Variants in ZC3HAV1L observed in about 807,000 individuals in gnomAD.
ZC3HAV1L encodes the protein ZC3HAV1 like.
ZC3HAV1L carries 23 observed loss-of-function variants against 28.2 expected under a neutral mutation model. The ratio of observed to expected loss-of-function variants is 0.82; its 90% CI spans 0.59 to 1.16. ZC3HAV1L has a LOEUF of 1.16. ZC3HAV1L is among the 50% of genes most tolerant of loss of function. The pLI, the probability that ZC3HAV1L is intolerant of heterozygous loss-of-function variation, is 0.00. For missense variants in ZC3HAV1L, 376 were observed against 387.7 expected, an observed-to-expected ratio of 0.97 and a Z score of 0.25; for synonymous variants, 180 against 163.4, an observed-to-expected ratio of 1.10 and a Z score of -0.78.
chr7:139,032,818 T>C (rs960919463), intron 2 of ZC3HAV1L, among the ~76,000 whole-genome samples: 4 of 152,070 alleles, frequency 2.6e-5, no homozygotes, highest in Admixed American at 2.0e-4. Context: ...AATGTAAATA[T>C]ATTAAAACAC....
At chr7:139,022,826 A>G (rs966230804), downstream of ZC3HAV1L, among the ~76,000 whole-genome samples, 1 of 152,212 alleles carries the variant, frequency 6.6e-6, no homozygotes, top group Non-Finnish European at 1.5e-5. Context: ...TGGCGTTTTG[A>G]AGAATCCAAT....
chr7:139,023,653 T>C (rs1290732757), downstream of ZC3HAV1L, among the ~76,000 whole-genome samples: 1 of 152,146 alleles, frequency 6.6e-6, no homozygotes, highest in Non-Finnish European at 1.5e-5. Flanking sequence ...GCAGGAGAAG[T>C]GAAGAGTGGT....
chr7:139,035,598 G>A, intron 1 of ZC3HAV1L, 55 bp downstream of exon 1: 2 of 1,344,928 alleles, frequency 1.5e-6, no homozygotes, highest in Non-Finnish European at 1.9e-6. Context: ...CTTCCAGCAG[G>A]ACGGCCAGGC....
At chr7:139,023,376 G>A (rs553093108), downstream of ZC3HAV1L, among the ~76,000 whole-genome samples, 84 of 152,118 alleles carry the variant, frequency 5.5e-4, no homozygotes, top group African/African-American at 1.9e-3. Flanking sequence ...AAAAAACTGG[G>A]CACTATGACA....
chr7:139,035,590 T>G, intron 1 of ZC3HAV1L, 63 bp downstream of exon 1: 1 of 1,342,066 alleles, frequency 7.5e-7, no homozygotes, highest in Non-Finnish European at 9.5e-7. Context: ...CGCTCCCGCT[T>G]CCAGCAGGAC....
At chr7:139,034,972 C>G (rs577025922) in intron 1 of ZC3HAV1L, 2 of 985,446 alleles carry the variant, frequency 2.0e-6, no homozygotes, top group South Asian at 9.4e-5. Context: ...GCCTTCTCCC[C>G]GGCAACAGCT....
chr7:139,034,591 G>A lies in ZC3HAV1L; in HGVS notation c.453C>T (p.Asn151=), dbSNP rs770417892. The A allele has an allele frequency of 6.2e-7, 1 of 1,613,996 alleles. No homozygotes were observed. Residue 151 remains asparagine, a synonymous_variant, in exon 2 of 5, where the codon AAC becomes AAT. Coordinates refer to ENST00000275766, the MANE Select transcript of ZC3HAV1L (RefSeq NM_080660.4). ...KSHGLFGLNE[N]QLRILLLQND... ...TCTGCAAAAGCAGGATCCGAAGCTG[G>A]TTTTCATTGAGACCAAAAAGTCCAT...
rs566170030 is a variant in ZC3HAV1L, at chr7:139,029,308, T to C, written c.502-348A>G. 2.6e-5 allele frequency among the ~76,000 whole-genome samples: 4 copies of C among 152,254 alleles called. No individual in the cohort carries two copies. The East Asian group carries it at 7.7e-4, about 29-fold the overall frequency. ...TGTGAGCCACCACACCCGGCCAATA[T>C]TAGTTTTCACTCTATCTTTTAAGCC... On this transcript the variant is annotated intron_variant, in intron 2 of 4. Coordinates refer to ENST00000275766, the MANE Select transcript of ZC3HAV1L (RefSeq NM_080660.4).
At position 139,026,513 on chromosome 7, in the gene ZC3HAV1L, C is replaced by G. The variant is rs111891533; in HGVS notation, c.*31G>C. The G allele has an allele frequency of 5.6e-6, 9 of 1,613,358 alleles. No individual in the cohort carries two copies. The highest frequency in any genetic ancestry group is 5.3e-5 in the African/African-American group (4 of 75,056). On this transcript the variant is annotated 3_prime_UTR_variant, in exon 5 of 5. Transcript: ENST00000275766. ...CCACCCATGCCCAAATGTATTCTTC[C>G]AAAAGGACATTTTCTCCTTTTCCAT...
chr7:139,030,756 T>C (rs886406338), intron 2 of ZC3HAV1L, among the ~76,000 whole-genome samples: 9 of 151,816 alleles, frequency 5.9e-5, no homozygotes, highest in Non-Finnish European at 8.8e-5. Context: ...GTGGCAGAGG[T>C]TGCAGTGAGC....
At chr7:139,035,481 G>A (rs1815678099) in intron 1 of ZC3HAV1L, 172 bp downstream of exon 1, 1 of 985,316 alleles carries the variant, frequency 1.0e-6, no homozygotes, top group South Asian at 4.7e-5. Context: ...CCGCCCAGCT[G>A]CTGGAAGCGC....
chr7:139,034,375 C>T (rs1177096377), intron 2 of ZC3HAV1L, among the ~76,000 whole-genome samples, 168 bp downstream of exon 2: 1 of 152,158 alleles, frequency 6.6e-6, no homozygotes, highest in African/African-American at 2.4e-5. Context: ...CTGAAACAAA[C>T]GTACTATTTC....
At chr7:139,023,002 C>G (rs1203522820), downstream of ZC3HAV1L, among the ~76,000 whole-genome samples, 1 of 151,878 alleles carries the variant, frequency 6.6e-6, no homozygotes, top group African/African-American at 2.4e-5. Flanking sequence ...TGGTGAAACC[C>G]CATCTCTACT....
chr7:139,026,466 C>A lies in ZC3HAV1L; in HGVS notation c.*78G>T. 2 of 1,588,926 alleles carry A rather than the reference C, an allele frequency of 1.3e-6. No homozygotes were observed. The highest frequency in any genetic ancestry group is 1.1e-5 in the South Asian group (1 of 87,510). On this transcript the variant is annotated 3_prime_UTR_variant, in exon 5 of 5. Transcript: ENST00000275766. ...CAATTTTAGCCTCTCTTTGCCTGTT[C>A]AATGTCCCACCCCATCCCCAACCAC...
rs747191966 is a variant in ZC3HAV1L, at chr7:139,028,877, T to C, written c.585A>G (p.Lys195=). 5 of 1,614,204 alleles carry C rather than the reference T, an allele frequency of 3.1e-6. No homozygotes were observed. The Admixed American group carries it at 6.7e-5, about 22-fold the overall frequency. Residue 195 remains lysine (K), a synonymous_variant, in exon 3 of 5, where the codon AAA becomes AAG. Coordinates refer to ENST00000275766, the MANE Select transcript of ZC3HAV1L (RefSeq NM_080660.4). ...GTTTGCATTCTCCTTTCACAAAGGA[T>C]TTGCACACATGAAACTTGTTGCATT... ...KDKCNKFHVC[K]SFVKGECKLQ... is the part of the protein sequence containing the mutation.
chr7:139,035,038 C>A (rs1268021491), intron 1 of ZC3HAV1L: 1 of 985,304 alleles, frequency 1.0e-6, no homozygotes, highest in African/African-American at 1.7e-5. Context: ...ACCGCTTTGG[C>A]GGGGTGTGTG....
rs1327487647 is a variant in ZC3HAV1L, at chr7:139,035,769, C to T, written c.249G>A (p.Val83=). ...GGGGTSAWRV[V]AVSSVRLCAR... ...CGCAGAGGCGCACAGAGGACACGGC[C>T]ACCACCCTCCAGGCGGAGGTGCCGC... Residue 83 remains valine, a synonymous_variant, in exon 1 of 5, where the codon GTG becomes GTA. Coordinates refer to ENST00000275766, the MANE Select transcript of ZC3HAV1L (RefSeq NM_080660.4). 2.0e-6 allele frequency: 3 copies of T among 1,496,860 alleles called. No individual in the cohort carries two copies. The highest frequency in any genetic ancestry group is 4.3e-5 in the Admixed American group (2 of 46,130). The allele number at this position is 1,496,860 out of a possible 1,614,324, so 92.7% of individuals were successfully genotyped here. A position where few individuals can be genotyped will look rare whatever the true frequency, so the allele number is the denominator to read the frequency against.
chr7:139,031,470 C>T (rs1312426252), intron 2 of ZC3HAV1L, among the ~76,000 whole-genome samples: 1 of 152,174 alleles, frequency 6.6e-6, no homozygotes, highest in Non-Finnish European at 1.5e-5. Context: ...CTTGCAGTCC[C>T]AGCTACTAGG....
intron 2 of ZC3HAV1L, among the ~76,000 whole-genome samples, chr7:139,032,084 C>T (rs961114434): frequency 4.0e-5 from 6 of 150,798 alleles, no homozygotes; most frequent in South Asian, 2.1e-4. Flanking sequence ...GGTGACACAG[C>T]GAGACCATGT....
Sources: allele counts gnomAD v4.1 joint callset (sites outside exome capture counted in the v4.1 genomes callset), GRCh38; gene constraint gnomAD v4.1.1; transcripts MANE v1.5; gene names NCBI Gene and HGNC (gene_info 2026-07-23, HGNC 2026-07-21).